The following ART3 variants were observed in gnomAD, a reference collection of about 807,000 sequenced individuals.
ART3 encodes ecto-ADP-ribosyltransferase 3.
ART3 carries 49 observed loss-of-function variants against 48.5 expected under a neutral mutation model. The ratio of observed to expected loss-of-function variants is 1.01; its 90% CI spans 0.80 to 1.28. The LOEUF is 1.28. Ranked by LOEUF, ART3 falls within the 50% of genes most tolerant of loss-of-function variation. The pLI is 0.00. For missense variants in ART3, 438 were observed against 454.3 expected, an observed-to-expected ratio of 0.96 and a Z score of 0.33; for synonymous variants, 145 against 157.2, an observed-to-expected ratio of 0.92 and a Z score of 0.58.
intron 3 of ART3, among the ~76,000 whole-genome samples, chr4:76,096,743 G>T (rs1484137551): frequency 1.3e-5 from 2 of 152,074 alleles, no homozygotes; most frequent in African/African-American, 4.8e-5. Context: ...GAGCATCTAG[G>T]GCCTTTCAAA....
At chr4:76,104,756 A>G in intron 10 of ART3, 127 bp downstream of exon 10, 8 of 1,190,822 alleles carry the variant, frequency 6.7e-6, no homozygotes, top group Non-Finnish European at 9.5e-6. Context: ...CAGTAGTCAC[A>G]TGTACATGAC....
intron 3 of ART3, among the ~76,000 whole-genome samples, chr4:76,084,893 C>T (rs143481825): frequency 5.6e-4 from 85 of 152,260 alleles, no homozygotes; most frequent in African/African-American, 2.0e-3. Flanking sequence ...CTTGTTGAGT[C>T]CTGGAAGGAC....
intron 2 of ART3, among the ~76,000 whole-genome samples, chr4:76,080,980 G>A (rs1722335936): frequency 6.6e-6 from 1 of 152,174 alleles, no homozygotes; most frequent in Admixed American, 6.5e-5. Context: ...ATATGTATAT[G>A]TATAATTTAG....
intron 10 of ART3, chr4:76,105,487 C>T: frequency 7.8e-7 from 1 of 1,285,618 alleles, no homozygotes; most frequent in Non-Finnish European, 1.0e-6. Flanking sequence ...TGGTAGCTGC[C>T]TTTGTTATTA....
upstream of ART3, among the ~76,000 whole-genome samples, chr4:76,070,870 G>T (rs1303959347): frequency 2.0e-5 from 3 of 151,782 alleles, no homozygotes; most frequent in Non-Finnish European, 2.9e-5. Context: ...CTTTCCTCCT[G>T]TTCATATTAG....
chr4:76,067,838 G>A (rs75117139), intron 1 of ART3, among the ~76,000 whole-genome samples: 2,268 of 152,280 alleles, frequency 0.015, 57 homozygotes, highest in African/African-American at 0.052. Context: ...ATCTTGTTCT[G>A]GTGCTGACCT....
At chr4:76,099,255 T>C in intron 5 of ART3, 1 of 406,882 alleles carries the variant, frequency 2.5e-6, no homozygotes, top group Non-Finnish European at 4.6e-6. Flanking sequence ...TGAGCCAAGA[T>C]TGCACCCACT....
intron 1 of ART3, among the ~76,000 whole-genome samples, chr4:76,040,499 A>T (rs543579181): frequency 8.0e-5 from 11 of 137,228 alleles, no homozygotes; most frequent in Admixed American, 3.0e-4. Flanking sequence ...AACAAGTTCT[A>T]TATCAGACTA....
chr4:76,105,486 C>A (rs1322526005), intron 10 of ART3: 1 of 1,285,110 alleles, frequency 7.8e-7, no homozygotes, highest in East Asian at 5.6e-5. Context: ...ATGGTAGCTG[C>A]CTTTGTTATT....
chr4:76,023,432 G>C (rs1733074044), intron 1 of ART3: 1 of 1,613,718 alleles, frequency 6.2e-7, no homozygotes, highest in Non-Finnish European at 8.5e-7. Context: ...TTTGATTCAT[G>C]GTGCTGAGAC....
chr4:76,094,261 C>G (rs1272785344), intron 3 of ART3, among the ~76,000 whole-genome samples: 1 of 152,192 alleles, frequency 6.6e-6, no homozygotes, highest in South Asian at 2.1e-4. Context: ...ACACCTTTAA[C>G]TATTTTTTGG....
chr4:76,104,746 C>A, intron 10 of ART3, 117 bp downstream of exon 10: 2 of 1,260,500 alleles, frequency 1.6e-6, no homozygotes, highest in Non-Finnish European at 2.2e-6. Flanking sequence ...ATGTAGCCAT[C>A]AGTAGTCACA....
At chr4:76,013,154 A>C (rs1025864815) in intron 1 of ART3, among the ~76,000 whole-genome samples, 49 of 152,372 alleles carry the variant, frequency 3.2e-4, no homozygotes, top group Middle Eastern at 6.8e-3. Context: ...TGATGGGTTC[A>C]GACGCAGCTG....
chr4:76,039,858 A>G (rs1480897520), intron 1 of ART3, among the ~76,000 whole-genome samples: 1 of 152,234 alleles, frequency 6.6e-6, no homozygotes, highest in Non-Finnish European at 1.5e-5. Flanking sequence ...TTTTGCCTTC[A>G]TGTGTGAATT....
chr4:76,100,693 G>C, intron 6 of ART3, 102 bp from the exon 7 acceptor site: 1 of 1,351,502 alleles, frequency 7.4e-7, no homozygotes, highest in Non-Finnish European at 1.0e-6. Flanking sequence ...TTACAGGTGG[G>C]AATATTTTCA....
At chr4:76,031,390 A>T (rs1461584497) in intron 1 of ART3, among the ~76,000 whole-genome samples, 2 of 152,214 alleles carry the variant, frequency 1.3e-5, no homozygotes, top group Non-Finnish European at 2.9e-5. Context: ...TGATATGAGA[A>T]TGCCTTGAAG....
At chr4:76,035,370 A>G (rs1347150511) in intron 1 of ART3, 2 of 1,609,208 alleles carry the variant, frequency 1.2e-6, no homozygotes, top group Admixed American at 3.4e-5. Flanking sequence ...ATTAGTTAGT[A>G]ATGCATCTGA....
At chr4:76,100,409 G>A (rs577241420) in intron 6 of ART3, 89 bp downstream of exon 6, 1 of 1,301,234 alleles carries the variant, frequency 7.7e-7, no homozygotes, top group South Asian at 1.2e-5. Context: ...GAGGCGGGAG[G>A]ATCATGAGGT....
At chr4:76,039,394 T>C (rs185607087) in intron 1 of ART3, among the ~76,000 whole-genome samples, 13 of 152,334 alleles carry the variant, frequency 8.5e-5, no homozygotes, top group African/African-American at 2.6e-4. Context: ...TAGAAAAATA[T>C]GTAGCACTCA....
Sources: allele counts gnomAD v4.1 joint callset (sites outside exome capture counted in the v4.1 genomes callset), GRCh38; gene constraint gnomAD v4.1.1; transcripts MANE v1.5; gene names NCBI Gene and HGNC (gene_info 2026-07-23, HGNC 2026-07-21).